TPCN1: variants seen among roughly 807,000 people sequenced by gnomAD.
TPCN1 encodes two pore channel protein 1.
Under a neutral mutation model 108.8 loss-of-function variants are expected in TPCN1, and 52 were observed. The ratio of observed to expected loss-of-function variants is 0.48; its 90% CI spans 0.38 to 0.60. The LOEUF (loss-of-function observed/expected upper bound fraction) is 0.60, where lower values mean the gene tolerates loss of function less well. Among genes scored for constraint, TPCN1 ranks in the 20% least tolerant of loss-of-function variants. The pLI, the probability that TPCN1 is intolerant of heterozygous loss-of-function variation, is 0.00. For synonymous variants in TPCN1, 446 were observed against 433.7 expected, an observed-to-expected ratio of 1.03 and a Z score of -0.35; for missense variants, 806 against 1,072.8, an observed-to-expected ratio of 0.75 and a Z score of 3.47.
At chr12:113,256,504 T>G (rs1954836952) in intron 2 of TPCN1, among the ~76,000 whole-genome samples, 2 of 152,216 alleles carry the variant, frequency 1.3e-5, no homozygotes, top group Admixed American at 6.5e-5. Context: ...ATTTTAAGAC[T>G]TATAAAGCCT....
intron 2 of TPCN1, among the ~76,000 whole-genome samples, chr12:113,239,702 G>C (rs1056557738): frequency 3.9e-5 from 6 of 152,098 alleles, no homozygotes; most frequent in Non-Finnish European, 5.9e-5. Flanking sequence ...CCTACTTTTT[G>C]GATGTTTGGG....
Position 113,295,731 on chromosome 12 carries a change from C to T in TPCN1, c.2335-229C>T, listed in dbSNP as rs369894612. 4.6e-5 allele frequency among the ~76,000 whole-genome samples: 7 copies of T among 152,274 alleles called. No individual in the cohort carries two copies. In the East Asian group the frequency reaches 7.7e-4, roughly 17 times the overall value. The stretch of plus-strand genomic sequence containing the variant: ...CTGGGCCTGTTAGAGAGCTGTTATG[C>T]GCAAACCTCCAGACACTAGGGAAAG... On this transcript the variant is annotated intron_variant, in intron 27 of 27. Coordinates refer to ENST00000335509, the MANE Select transcript of TPCN1 (RefSeq NM_017901.6).
In TPCN1 at chr12:113,284,111, A is replaced by G. The variant is rs1170806174; in HGVS notation, c.1343-470A>G. 6.6e-6 allele frequency among the ~76,000 whole-genome samples: 1 copy of G among 152,204 alleles called. No homozygotes were observed. The highest frequency in any genetic ancestry group is 1.5e-5 in the Non-Finnish European group (1 of 68,046). On this transcript the variant is annotated intron_variant, in intron 15 of 27. Transcript: ENST00000335509. The surrounding 1 kb of genome is among the most constrained non-coding windows in gnomAD (Gnocchi z 4.1). The stretch of plus-strand genomic sequence containing the variant: ...TAGTGCTGCGGTGAGTAGCTTTCAG[A>G]TACATCTTATATTTTTGCTAGTGTG...
intron 3 of TPCN1, among the ~76,000 whole-genome samples, chr12:113,260,756 G>A (rs1467944619): frequency 5.3e-5 from 8 of 152,150 alleles, no homozygotes; most frequent in Admixed American, 5.2e-4. Context: ...GGCCTTCCCT[G>A]CCACCCTCCC....
At chr12:113,280,457 T>C in intron 15 of TPCN1, 1 of 403,042 alleles carries the variant, frequency 2.5e-6, no homozygotes, top group Non-Finnish European at 4.4e-6. Flanking sequence ...AGTTGACTGG[T>C]CGATATGTCT....
At chr12:113,248,853 TCTGA>T (rs1212338454) in intron 2 of TPCN1, among the ~76,000 whole-genome samples, 5 of 152,202 alleles carry the variant, frequency 3.3e-5, no homozygotes, top group Admixed American at 2.6e-4. Context: ...AGAGGATTTC[TCTGA>T]CTGGTGTCAA....
chr12:113,259,721 A>C (rs1313023139), intron 2 of TPCN1, among the ~76,000 whole-genome samples: 1 of 152,164 alleles, frequency 6.6e-6, no homozygotes, highest in Non-Finnish European at 1.5e-5. Context: ...CTGAATGCCC[A>C]AGGGAGATGA....
intron 23 of TPCN1, chr12:113,291,408 C>A: frequency 1.6e-6 from 1 of 609,844 alleles, no homozygotes; most frequent in Non-Finnish European, 2.9e-6. Flanking sequence ...ATCCAGTCGT[C>A]CAGGGGAGTG....
intron 10 of TPCN1, among the ~76,000 whole-genome samples, 200 bp from the exon 11 acceptor site, chr12:113,276,719 G>T (rs1322553850): frequency 6.6e-6 from 1 of 152,160 alleles, no homozygotes; most frequent in African/African-American, 2.4e-5. Context: ...AAATTTACAA[G>T]CGGAACAAAG....
chr12:113,277,435 G>A (rs535276959), intron 12 of TPCN1, 71 bp downstream of exon 12: 3 of 1,593,308 alleles, frequency 1.9e-6, no homozygotes, highest in Non-Finnish European at 2.6e-6. Context: ...ACGGGGGCAT[G>A]TGAAGGCCCT....
intron 12 of TPCN1, among the ~76,000 whole-genome samples, chr12:113,277,941 A>G (rs972390902): frequency 2.6e-5 from 4 of 152,208 alleles, no homozygotes; most frequent in African/African-American, 9.6e-5. Context: ...GGGCACTGAC[A>G]CTGTCCGTAG....
rs959978225 is a variant in TPCN1 at position 113,244,688 on chromosome 12, C to A, written c.113-15680C>A. On this transcript the variant is annotated intron_variant, in intron 2 of 27. Transcript: ENST00000335509. Reference sequence around the variant, plus strand: ...CAGTGACAACTGGCAAGCGGCGGGGCGGTTGCTCGTTGTCATTCTGGTAGG... The same window carrying A: ...CAGTGACAACTGGCAAGCGGCGGGGAGGTTGCTCGTTGTCATTCTGGTAGG... The A allele has an allele frequency of 8.1e-6, 8 of 985,268 alleles. No homozygotes were observed. In the African/African-American group the frequency reaches 1.2e-4, roughly 15 times the overall value. The allele number at this position is 985,268 out of a possible 1,614,324, so 61.0% of individuals were successfully genotyped here. A position where few individuals can be genotyped will look rare whatever the true frequency, so the allele number is the denominator to read the frequency against.
At position 113,295,995 on chromosome 12, in the gene TPCN1, G is replaced by T. The variant is rs749436906; in HGVS notation, c.2370G>T (p.Gln790His). The T allele has an allele frequency of 6.2e-7, 1 of 1,612,158 alleles. No individual in the cohort carries two copies. The highest frequency in any genetic ancestry group is 8.5e-7 in the Non-Finnish European group (1 of 1,179,556). ...WYEEHAREQEQQRQLSSSAAP... is the reference protein window; with the variant it reads ...WYEEHAREQEHQRQLSSSAAP... The stretch of plus-strand genomic sequence containing the variant: ...AGGAGCATGCCAGGGAGCAAGAGCA[G>T]CAGCGACAACTCAGCAGCAGTGCAG... The change falls in exon 28 of 28, where the codon CAG becomes CAT. Residue 790 changes from glutamine to histidine, a missense_variant. Gln to His is a conservative substitution (Grantham distance 24, BLOSUM62 0). Transcript: ENST00000335509.
intron 2 of TPCN1, among the ~76,000 whole-genome samples, chr12:113,246,338 G>C (rs1461403274): frequency 6.6e-6 from 1 of 152,228 alleles, no homozygotes; most frequent in Non-Finnish European, 1.5e-5. Context: ...TTTCCCAAGA[G>C]AGCTGTCTGC....
At position 113,291,003 on chromosome 12, in the gene TPCN1, G is replaced by A. The variant is rs1956247048; in HGVS notation, c.1959+5G>A. The stretch of plus-strand genomic sequence containing the variant: ...AACAACTGGTACATCATCATGGTAA[G>A]AGCTCGGGCAGCTCTGGGGGTATCT... On this transcript the variant is annotated splice_donor_5th_base_variant and intron_variant, in intron 23 of 27. Coordinates refer to ENST00000335509, the MANE Select transcript of TPCN1 (RefSeq NM_017901.6). The A allele has an allele frequency of 4.3e-6, 7 of 1,613,544 alleles. No individual in the cohort carries two copies. Among genetic ancestry groups the A allele is most frequent in the Non-Finnish European group, 5.1e-6 (6 of 1,179,942 alleles).
At chr12:113,278,291 G>T in intron 13 of TPCN1, 54 bp downstream of exon 13, 1 of 1,532,194 alleles carries the variant, frequency 6.5e-7, no homozygotes, top group South Asian at 1.1e-5. Context: ...CCCCACGTGG[G>T]GCAGTGAGGA....
At chr12:113,286,100 C>A in intron 18 of TPCN1, 139 bp downstream of exon 18, 1 of 747,048 alleles carries the variant, frequency 1.3e-6, no homozygotes, top group Non-Finnish European at 2.3e-6. Flanking sequence ...CTATGTCTCC[C>A]TCAAGCAGCC....
chr12:113,272,768 C>T lies in TPCN1; in HGVS notation c.783+76C>T. ...CTCAGACAGGGTCACCGGCGTGACC[C>T]TGTGGCCATATGGGGAAGGGGGGGC... On this transcript the variant is annotated intron_variant, in intron 8 of 27. Coordinates refer to ENST00000335509, the MANE Select transcript of TPCN1 (RefSeq NM_017901.6). This position sits in a 1 kb window ranked among gnomAD's most constrained non-coding sequence, Gnocchi z 4.1. 1 of 1,475,776 alleles carries T rather than the reference C, an allele frequency of 6.8e-7. No homozygotes were observed. 91.4% of individuals were successfully genotyped at this position (1,475,776 alleles called of 1,614,324 possible).
chr12:113,272,583 G>A lies in TPCN1; in HGVS notation c.749-75G>A. 6.6e-6 allele frequency: 9 copies of A among 1,359,194 alleles called. No homozygotes were observed. Among genetic ancestry groups the A allele is most frequent in the Non-Finnish European group, 9.5e-6 (9 of 947,632 alleles). The allele number at this position is 1,359,194 out of a possible 1,614,324, so 84.2% of individuals were successfully genotyped here. On this transcript the variant is annotated intron_variant, in intron 7 of 27. Transcript: ENST00000335509. The surrounding 1 kb of genome is among the most constrained non-coding windows in gnomAD (Gnocchi z 4.1). ...CTGCTGCGTTCATTTGCATGTATTT[G>A]TCCAGTCCTTTTGACACCAGGTTTT...
Sources: allele counts gnomAD v4.1 joint callset (sites outside exome capture counted in the v4.1 genomes callset), GRCh38; gene constraint gnomAD v4.1.1; non-coding constraint Gnocchi (gnomAD v3.1); transcripts MANE v1.5; gene names NCBI Gene and HGNC (gene_info 2026-07-23, HGNC 2026-07-21).